Variants in VAT1L observed in about 807,000 individuals in gnomAD.
VAT1L encodes the protein putative NADPH-dependent quinone oxidoreductase VAT1L.
A neutral mutation model predicts 44.1 loss-of-function variants in VAT1L; 34 were observed. The observed-to-expected ratio is 0.77, with a 90% CI of 0.59 to 1.03. VAT1L has a LOEUF of 1.03. VAT1L is among the 50% of genes least tolerant of loss of function. VAT1L has a pLI of 0.00. For synonymous variants in VAT1L, 253 were observed against 202.2 expected, an observed-to-expected ratio of 1.25 and a Z score of -2.13; for missense variants, 615 against 538.8, an observed-to-expected ratio of 1.14 and a Z score of -1.40.
Position 77,925,647 on chromosome 16 carries a change from T to A in VAT1L, c.1077+40845T>A, listed in dbSNP as rs143453271. ...AGCTAGCCCAGAACTGTTTTTACAG[T>A]TTCCCTTCCTAAAATCAATTTTGCT... is the stretch of plus-strand genomic sequence containing the variant. On this transcript the variant is annotated intron_variant, in intron 7 of 8. Coordinates refer to ENST00000302536, the MANE Select transcript of VAT1L (RefSeq NM_020927.3). Among the ~76,000 whole-genome samples the A allele has an allele frequency of 8.1e-3, 1,239 of 152,288 alleles. 20 individuals carry two copies. Among genetic ancestry groups the A allele is most frequent in the African/African-American group, 0.028 (1,147 of 41,560 alleles).
Position 77,794,979 on chromosome 16 carries a change from G to A in VAT1L, c.233+6064G>A, listed in dbSNP as rs142361142. Among the ~76,000 whole-genome samples the A allele has an allele frequency of 6.9e-3, 1,049 of 152,204 alleles. 9 individuals carry two copies. The highest frequency in any genetic ancestry group is 0.023 in the African/African-American group (970 of 41,524). On this transcript the variant is annotated intron_variant, in intron 1 of 8. Coordinates refer to ENST00000302536, the MANE Select transcript of VAT1L (RefSeq NM_020927.3). The stretch of plus-strand genomic sequence containing the variant: ...GAAATGGGCTTCTTGCTTTTCTGGC[G>A]ATTTGAAGAGGAAAGGAAACCTAGA...
At chr16:77,870,559 G>A (rs1041451864) in intron 4 of VAT1L, among the ~76,000 whole-genome samples, 18 of 152,200 alleles carry the variant, frequency 1.2e-4, no homozygotes, top group Non-Finnish European at 2.2e-4. Context: ...CAGGGCCCGG[G>A]GCTGGGGACA....
At position 77,884,890 on chromosome 16, in the gene VAT1L, A is replaced by G. The variant is rs887555369; in HGVS notation, c.1077+88A>G. The G allele has an allele frequency of 2.2e-6, 3 of 1,369,032 alleles. No homozygotes were observed. In the African/African-American group the frequency reaches 4.6e-5, roughly 21 times the overall value. The allele number at this position is 1,369,032 out of a possible 1,614,324, so 84.8% of individuals were successfully genotyped here. On this transcript the variant is annotated intron_variant, in intron 7 of 8. Transcript: ENST00000302536. The surrounding 1 kb of genome is among the most constrained non-coding windows in gnomAD (Gnocchi z 4.5). ...GCCAAATACAATCTTCTACTAAATG[A>G]TTTTTTTCCCAGATGGGTTTGTTTT...
chr16:77,883,124 T>A (rs1308451553), intron 6 of VAT1L, among the ~76,000 whole-genome samples: 1 of 152,226 alleles, frequency 6.6e-6, no homozygotes, highest in East Asian at 1.9e-4. Flanking sequence ...GTCAGTCTCC[T>A]TAATTCTTTT....
chr16:77,876,583 G>T, intron 5 of VAT1L, 110 bp downstream of exon 5: 1 of 897,900 alleles, frequency 1.1e-6, no homozygotes, highest in Non-Finnish European at 1.8e-6. Context: ...TAGTGGGATG[G>T]GGGTGTTTCA....
chr16:77,933,308 C>T (rs1233253980), intron 7 of VAT1L, among the ~76,000 whole-genome samples: 1 of 152,144 alleles, frequency 6.6e-6, no homozygotes. Flanking sequence ...GTGACAAAGC[C>T]AGACTCAAAC....
chr16:77,964,336 C>T (rs1464720587), intron 7 of VAT1L, among the ~76,000 whole-genome samples: 1 of 152,174 alleles, frequency 6.6e-6, no homozygotes, highest in African/African-American at 2.4e-5. Context: ...GTCAGCAGGG[C>T]TGCGTTCCTC....
intron 7 of VAT1L, chr16:77,892,725 A>C (rs1010035099): frequency 1.3e-6 from 1 of 741,140 alleles, no homozygotes; most frequent in African/African-American, 1.7e-5. Context: ...TCCATGGCAA[A>C]TACTGGACCC....
At chr16:77,872,664 C>G (rs1194169335) in intron 4 of VAT1L, among the ~76,000 whole-genome samples, 3 of 152,146 alleles carry the variant, frequency 2.0e-5, no homozygotes, top group Non-Finnish European at 4.4e-5. Flanking sequence ...CATCCTGTTC[C>G]CTCTGGTTCC....
chr16:77,821,111 C>G (rs2016445747), intron 2 of VAT1L, among the ~76,000 whole-genome samples: 1 of 152,190 alleles, frequency 6.6e-6, no homozygotes, highest in African/African-American at 2.4e-5. Context: ...CAACCCATCA[C>G]TCACTATGCA....
chr16:77,869,531 T>C (rs2017008727), intron 4 of VAT1L, among the ~76,000 whole-genome samples: 1 of 152,118 alleles, frequency 6.6e-6, no homozygotes, highest in Non-Finnish European at 1.5e-5. Context: ...TCGCTGGGTG[T>C]AGTGGTGTAC....
intron 3 of VAT1L, among the ~76,000 whole-genome samples, chr16:77,844,098 C>T (rs952042338): frequency 1.3e-5 from 2 of 152,202 alleles, no homozygotes; most frequent in African/African-American, 2.4e-5. Flanking sequence ...TATACACACA[C>T]ACACATATAC....
chr16:77,948,360 C>G (rs2017996429), intron 7 of VAT1L, among the ~76,000 whole-genome samples: 1 of 152,156 alleles, frequency 6.6e-6, no homozygotes, highest in Non-Finnish European at 1.5e-5. Flanking sequence ...ACACATTGAA[C>G]TTCTCTAACA....
At chr16:77,828,503 A>G (rs1014745448) in intron 3 of VAT1L, among the ~76,000 whole-genome samples, 12 of 152,108 alleles carry the variant, frequency 7.9e-5, no homozygotes, top group Non-Finnish European at 1.5e-4. Context: ...CATCTCTATA[A>G]AAATACAAAA....
At chr16:77,964,163 T>C (rs1050248985) in intron 7 of VAT1L, among the ~76,000 whole-genome samples, 5 of 152,074 alleles carry the variant, frequency 3.3e-5, no homozygotes, top group Non-Finnish European at 7.4e-5. Context: ...TGCTCAGCTC[T>C]TTCTGTGGCT....
chr16:77,866,736 A>AG (rs1407274941), intron 4 of VAT1L, among the ~76,000 whole-genome samples: 1 of 152,190 alleles, frequency 6.6e-6, no homozygotes, highest in Non-Finnish European at 1.5e-5. Context: ...AGAAAAAAAA[A>AG]TATTTATGAC....
Position 77,810,129 on chromosome 16 carries a change from G to A in VAT1L, c.234-6792G>A, listed in dbSNP as rs547614833. Among the ~76,000 whole-genome samples the A allele has an allele frequency of 1.4e-4, 21 of 152,214 alleles. No homozygotes were observed. In the South Asian group the frequency reaches 4.1e-3, roughly 30 times the overall value. On this transcript the variant is annotated intron_variant, in intron 1 of 8. Coordinates refer to ENST00000302536, the MANE Select transcript of VAT1L (RefSeq NM_020927.3). ...AGATCAAAAATTCAACTGCCCTAGA[G>A]GACAATGAGAACTTTTCATTTACTT...
At chr16:77,892,138 G>C (rs11644704) in intron 7 of VAT1L, among the ~76,000 whole-genome samples, 78,710 of 151,912 alleles carry the variant, frequency 0.52, 22,251 homozygotes, top group Middle Eastern at 0.63. Context: ...CAAGGCTGTG[G>C]AGTAATGTGA....
At chr16:77,840,239 G>C (rs1183557121) in intron 3 of VAT1L, among the ~76,000 whole-genome samples, 1 of 152,190 alleles carries the variant, frequency 6.6e-6, no homozygotes, top group Non-Finnish European at 1.5e-5. Context: ...GCTCATAAAA[G>C]CAAATGGGCA....
Sources: allele counts gnomAD v4.1 joint callset (sites outside exome capture counted in the v4.1 genomes callset), GRCh38; gene constraint gnomAD v4.1.1; non-coding constraint Gnocchi (gnomAD v3.1); transcripts MANE v1.5; gene names NCBI Gene and HGNC (gene_info 2026-07-23, HGNC 2026-07-21).